CACNB3: variants seen among roughly 807,000 people sequenced by gnomAD.
CACNB3 encodes the protein calcium voltage-gated channel auxiliary subunit beta 3, also known as voltage-dependent L-type calcium channel subunit beta-3.
CACNB3 carries 36 observed loss-of-function variants against 63.7 expected under a neutral mutation model. The ratio of observed to expected loss-of-function variants is 0.57; its 90% confidence interval spans 0.43 to 0.75. The LOEUF (loss-of-function observed/expected upper bound fraction) is 0.75. CACNB3 is among the 30% of genes least tolerant of loss of function. CACNB3 has a pLI of 0.00. For synonymous variants in CACNB3, 241 were observed against 250.6 expected (o/e 0.96, Z 0.36); for missense variants, 493 against 648.6 (o/e 0.76, Z 2.61).
At chr12:48,814,690 G>A (rs1942243956), upstream of CACNB3, 2 of 948,892 alleles carry the variant, frequency 2.1e-6, no homozygotes, top group Middle Eastern at 2.4e-4. This position sits in a 1 kb window ranked among gnomAD's most constrained non-coding sequence, Gnocchi z 6.9. Context: ...AAAGGAGGGG[G>A]AGAGGGGTTC....
At chr12:48,819,855 C>CA (rs1361835951) in intron 1 of CACNB3, 2 of 332,528 alleles carry the variant, frequency 6.0e-6, no homozygotes, top group East Asian at 1.7e-4. Context: ...GGAGCTCAGA[C>CA]AGCAGGGAGA....
In CACNB3 at chr12:48,827,805, A is replaced by G. The variant is rs778400650; in HGVS notation, c.1361A>G (p.Asp454Gly). ...TSGLPSANGHDPQDRLLAQDS... is the reference protein window; with the variant it reads ...TSGLPSANGHGPQDRLLAQDS... ...GGGCTGCCTAGTGCTAACGGGCATGACCCCCAAGACCGGCTTCTAGCCCAG... is the reference window on the plus strand; with the variant it reads ...GGGCTGCCTAGTGCTAACGGGCATGGCCCCCAAGACCGGCTTCTAGCCCAG... The change falls in exon 13 of 13, where the codon GAC becomes GGC. Residue 454 changes from aspartate to glycine, a missense_variant. By Grantham distance (94) the Asp-to-Gly change is moderately conservative. Coordinates refer to ENST00000301050, the MANE Select transcript of CACNB3 (RefSeq NM_000725.4). 1.2e-6 allele frequency: 2 copies of G among 1,614,078 alleles called. No homozygotes were observed. The highest frequency in any genetic ancestry group is 2.2e-5 in the South Asian group (2 of 91,072).
upstream of CACNB3, chr12:48,815,848 A>C (rs1277335598): frequency 7.9e-6 from 6 of 756,250 alleles, no homozygotes; most frequent in Non-Finnish European, 1.4e-5. Flanking sequence ...ATGGGGAGGC[A>C]GGGAAACCGG....
upstream of CACNB3, chr12:48,814,687 G>T (rs1045333569): frequency 4.2e-6 from 4 of 954,838 alleles, no homozygotes; most frequent in East Asian, 3.0e-5. This position sits in a 1 kb window ranked among gnomAD's most constrained non-coding sequence, Gnocchi z 6.9. Context: ...GAGAAAGGAG[G>T]GGGAGAGGGG....
rs780239343 is a variant in CACNB3 at position 48,827,765 on chromosome 12, C to T, written c.1321C>T (p.Arg441Cys). 2.1e-5 allele frequency: 34 copies of T among 1,614,072 alleles called. No individual in the cohort carries two copies. The highest frequency in any genetic ancestry group is 4.0e-5 in the African/African-American group (3 of 74,950). Residue 441 changes from arginine (R) to cysteine (C), a missense_variant, in exon 13 of 13, where the codon CGC becomes TGC. Arg to Cys is a radical substitution (Grantham distance 180). Coordinates refer to ENST00000301050, the MANE Select transcript of CACNB3 (RefSeq NM_000725.4). ...CTACCAGGACCTGTACCAGCCTCAC[C>T]GCCAACACACCTCGGGGCTGCCTAG... ...DAYQDLYQPH[R>C]QHTSGLPSAN...
In CACNB3 at chr12:48,825,050, G is replaced by A; in HGVS notation, c.492+82G>A. On this transcript the variant is annotated intron_variant, in intron 6 of 12. Transcript: ENST00000301050. This position sits in a 1 kb window ranked among gnomAD's most constrained non-coding sequence, Gnocchi z 4.5. ...GTGTTCTAGGCAGTCATTGTTGGAGGGCAGAACAGAGAGGGGAGGGAGCCC... is the reference window on the plus strand; with the variant it reads ...GTGTTCTAGGCAGTCATTGTTGGAGAGCAGAACAGAGAGGGGAGGGAGCCC... 3.8e-6 allele frequency: 6 copies of A among 1,590,506 alleles called. No individual in the cohort carries two copies. The highest frequency in any genetic ancestry group is 4.3e-6 in the Non-Finnish European group (5 of 1,158,874).
In CACNB3 at chr12:48,821,597, A is replaced by G. The variant is rs558968808; in HGVS notation, c.46-1747A>G. On this transcript the variant is annotated intron_variant, in intron 1 of 12. Transcript: ENST00000301050. ...GTTCTGGGCCTCTGGGAGGTACCCAATGTATCTGTACCAAAGCGAGTGGTC... is the reference window on the plus strand; with the variant it reads ...GTTCTGGGCCTCTGGGAGGTACCCAGTGTATCTGTACCAAAGCGAGTGGTC... 7 of 152,280 alleles carry G rather than the reference A, an allele frequency of 4.6e-5. No individual in the cohort carries two copies. In the East Asian group the frequency reaches 1.4e-3, roughly 29 times the overall value. 9.4% of individuals were successfully genotyped at this position (152,280 alleles called of 1,614,324 possible).
In CACNB3 at chr12:48,818,686, C is replaced by G; in HGVS notation, c.-244C>G. 1 of 1,239,472 alleles carries G rather than the reference C, an allele frequency of 8.1e-7. No individual in the cohort carries two copies. The highest frequency in any genetic ancestry group is 2.6e-5 in the South Asian group (1 of 38,176). 76.8% of individuals were successfully genotyped at this position (1,239,472 alleles called of 1,614,324 possible). On this transcript the variant is annotated 5_prime_UTR_variant, in exon 1 of 13. Coordinates refer to ENST00000301050, the MANE Select transcript of CACNB3 (RefSeq NM_000725.4). This position sits in a 1 kb window ranked among gnomAD's most constrained non-coding sequence, Gnocchi z 4.3. ...TGTTGTAGGAGCCGGCGCCAGATTC[C>G]TCAGCCGCGCTCGGGGTGGGACCGG...
upstream of CACNB3, chr12:48,817,055 G>T (rs1942303139): frequency 1.0e-6 from 1 of 958,356 alleles, no homozygotes; most frequent in Non-Finnish European, 1.2e-6. Context: ...TCCAGTATAT[G>T]ACCAAACCCC....
At position 48,824,779 on chromosome 12, in the gene CACNB3, G is replaced by C. The variant is rs769688825; in HGVS notation, c.472+46G>C. 9 of 1,590,418 alleles carry C rather than the reference G, an allele frequency of 5.7e-6. No homozygotes were observed. In the East Asian group the frequency reaches 1.8e-4, roughly 32 times the overall value. ...CCATTTTGGGTAGGTGGGTAGCTAAGACACAGGGAAAGAGGGGATCCTGCC... is the reference window on the plus strand; with the variant it reads ...CCATTTTGGGTAGGTGGGTAGCTAACACACAGGGAAAGAGGGGATCCTGCC... On this transcript the variant is annotated intron_variant, in intron 5 of 12. Coordinates refer to ENST00000301050, the MANE Select transcript of CACNB3 (RefSeq NM_000725.4).
upstream of CACNB3, among the ~76,000 whole-genome samples, chr12:48,817,714 C>T (rs79135108): frequency 0.042 from 6,416 of 152,242 alleles, 188 homozygotes; most frequent in Non-Finnish European, 0.063. Flanking sequence ...TCTGGCCTTA[C>T]CCTAGTGACT....
intron 12 of CACNB3, 141 bp from the exon 13 acceptor site, chr12:48,827,443 GA>G: frequency 3.4e-6 from 3 of 895,432 alleles, no homozygotes; most frequent in Non-Finnish European, 5.0e-6. Flanking sequence ...CTCGGAAGAG[GA>G]AAAATGCTCC....
At chr12:48,824,999 G>C in intron 6 of CACNB3, 31 bp downstream of exon 6, 1 of 1,604,368 alleles carries the variant, frequency 6.2e-7, no homozygotes, top group Non-Finnish European at 8.5e-7. Context: ...GGGCTGGGGG[G>C]ATCATGGCTT....
Position 48,826,788 on chromosome 12 carries a change from G to T in CACNB3, c.924G>T (p.Gly308=). 1.2e-6 allele frequency: 2 copies of T among 1,614,110 alleles called. No individual in the cohort carries two copies. Among genetic ancestry groups the T allele is most frequent in the Non-Finnish European group, 8.5e-7 (1 of 1,179,996 alleles). ...KVLQRLIRSR[G]KSQMKHLTVQ... ...TCCAGCGTCTCATTCGCTCCCGGGGGAAGTCACAGATGAAGCACCTGACCG... is the reference window on the plus strand; with the variant it reads ...TCCAGCGTCTCATTCGCTCCCGGGGTAAGTCACAGATGAAGCACCTGACCG... Residue 308 remains glycine, a synonymous_variant, in exon 11 of 13, where the codon GGG becomes GGT. Coordinates refer to ENST00000301050, the MANE Select transcript of CACNB3 (RefSeq NM_000725.4). The surrounding 1 kb of genome is among the most constrained non-coding windows in gnomAD (Gnocchi z 4.8).
In CACNB3 at chr12:48,827,136, A is replaced by G. The variant is rs755952829; in HGVS notation, c.1140+13A>G. ...CCCCGGACTTCAGGTAACCATTTCC[A>G]GTGGGCAGAGATGCTCAAGCTAAGC... On this transcript the variant is annotated intron_variant, in intron 12 of 12. Transcript: ENST00000301050. The G allele has an allele frequency of 7.9e-5, 128 of 1,611,632 alleles. No homozygotes were observed. The East Asian group carries it at 2.8e-3, about 35-fold the overall frequency.
At chr12:48,815,072 T>G, upstream of CACNB3, 1 of 158,234 alleles carries the variant, frequency 6.3e-6, no homozygotes, top group Non-Finnish European at 1.4e-5. Flanking sequence ...ATGGGCGCCT[T>G]GACGCTTGGG....
At chr12:48,818,452 C>T (rs1942346208), upstream of CACNB3, 1 of 989,732 alleles carries the variant, frequency 1.0e-6, no homozygotes, top group South Asian at 4.6e-5. The surrounding 1 kb of genome is among the most constrained non-coding windows in gnomAD (Gnocchi z 4.3). Context: ...TCTCCTCGCC[C>T]CGCCTCCTCC....
chr12:48,827,418 G>C (rs1938203335), intron 12 of CACNB3, among the ~76,000 whole-genome samples, 167 bp from the exon 13 acceptor site: 1 of 152,230 alleles, frequency 6.6e-6, no homozygotes, highest in Non-Finnish European at 1.5e-5. Context: ...GGGAGTCGAA[G>C]CTCCAGTTTT....
chr12:48,824,712 C>G lies in CACNB3; in HGVS notation c.451C>G (p.Arg151Gly). Residue 151 changes from arginine to glycine, a missense_variant, in exon 5 of 13, where the codon CGC (arginine) becomes GGC (glycine). Arg to Gly is a moderately radical substitution (Grantham distance 125, BLOSUM62 -2). Transcript: ENST00000301050. Reference sequence around the variant, plus strand: ...CAGCCTGAGTGACATTGGCAACCGACGCTCCCCTCCGCCATCTCTAGGTAG... The same window carrying G: ...CAGCCTGAGTGACATTGGCAACCGAGGCTCCCCTCCGCCATCTCTAGGTAG... The part of the protein sequence containing the change: ...PSSLSDIGNR[R>G]SPPPSLAKQK... The G allele has an allele frequency of 6.2e-7, 1 of 1,613,794 alleles. No individual in the cohort carries two copies. The highest frequency in any genetic ancestry group is 2.2e-5 in the East Asian group (1 of 44,822).
Sources: allele counts gnomAD v4.1 joint callset (sites outside exome capture counted in the v4.1 genomes callset), GRCh38; gene constraint gnomAD v4.1.1; non-coding constraint Gnocchi (gnomAD v3.1); transcripts MANE v1.5; gene names NCBI Gene and HGNC (gene_info 2026-07-23, HGNC 2026-07-21).